AUTS2: variants seen among roughly 807,000 people sequenced by gnomAD.
AUTS2 encodes the protein activator of transcription and developmental regulator AUTS2.
AUTS2 carries 17 observed loss-of-function variants against 112.4 expected under a neutral mutation model. The ratio of observed to expected loss-of-function variants is 0.15; its 90% CI spans 0.10 to 0.23. The LOEUF (loss-of-function observed/expected upper bound fraction) is 0.23, where lower values mean the gene tolerates loss of function less well. Among genes scored for constraint, AUTS2 ranks in the 10% least tolerant of loss-of-function variants. AUTS2 has a pLI of 1.00. For missense variants in AUTS2, 1,510 were observed against 1,701.6 expected, an observed-to-expected ratio of 0.89 and a Z score of 1.98; for synonymous variants, 751 against 702.7, an observed-to-expected ratio of 1.07 and a Z score of -1.09.
intron 6 of AUTS2, among the ~76,000 whole-genome samples, chr7:70,708,984 C>G (rs921304102): frequency 2.7e-5 from 4 of 149,602 alleles, no homozygotes; most frequent in Non-Finnish European, 5.9e-5. Context: ...GTGGCACCAT[C>G]TCGGCTCACT....
chr7:70,418,546 A>G (rs1269122791), intron 4 of AUTS2, among the ~76,000 whole-genome samples: 1 of 152,196 alleles, frequency 6.6e-6, no homozygotes, highest in Admixed American at 6.5e-5. Flanking sequence ...TAGCTGAGAC[A>G]TGCTGCACCA....
intron 1 of AUTS2, among the ~76,000 whole-genome samples, chr7:69,827,435 GA>G (rs1554382470): frequency 6.6e-6 from 1 of 151,790 alleles, no homozygotes; most frequent in Non-Finnish European, 1.5e-5. Context: ...GATAGAGGGG[GA>G]AAAAGAAGAG....
chr7:70,462,541 A>C (rs1357414762), intron 5 of AUTS2, among the ~76,000 whole-genome samples: 1 of 152,156 alleles, frequency 6.6e-6, no homozygotes, highest in Non-Finnish European at 1.5e-5. Flanking sequence ...GGGCCCTTCC[A>C]ATTTTTTAAA....
chr7:70,469,403 A>G (rs1322874717), intron 5 of AUTS2, among the ~76,000 whole-genome samples: 5 of 152,144 alleles, frequency 3.3e-5, no homozygotes, highest in Admixed American at 2.6e-4. Flanking sequence ...AATCTGGGGG[A>G]AAACTATACC....
intron 9 of AUTS2, among the ~76,000 whole-genome samples, chr7:70,767,058 G>C (rs949417945): frequency 2.6e-5 from 4 of 152,106 alleles, no homozygotes; most frequent in Non-Finnish European, 5.9e-5. Context: ...TGCCATATTA[G>C]AATGCTAAAT....
At chr7:70,265,996 T>C (rs1787403991) in intron 4 of AUTS2, among the ~76,000 whole-genome samples, 1 of 152,176 alleles carries the variant, frequency 6.6e-6, no homozygotes, top group Admixed American at 6.5e-5. Context: ...GGTTGTGCAG[T>C]GTACAACCTG....
At position 69,706,890 on chromosome 7, in the gene AUTS2, A is replaced by C. The variant is rs17140841; in HGVS notation, c.309+106928A>C. ...GGTTACACGATATCTTGCTTATTGT[A>C]AGGTAAAAGAATGTTGAAGCTTCTG... On this transcript the variant is annotated intron_variant, in intron 1 of 18. Coordinates refer to ENST00000342771, the MANE Select transcript of AUTS2 (RefSeq NM_015570.4). Among the ~76,000 whole-genome samples, 147 of 152,298 alleles carry C rather than the reference A, an allele frequency of 9.7e-4. 1 individual carries two copies. The highest frequency in any genetic ancestry group is 3.4e-3 in the African/African-American group (143 of 41,578).
At chr7:69,785,914 C>G (rs1194397303) in intron 1 of AUTS2, among the ~76,000 whole-genome samples, 1 of 152,108 alleles carries the variant, frequency 6.6e-6, no homozygotes, top group Non-Finnish European at 1.5e-5. Flanking sequence ...TACTGCAACC[C>G]TTGTCTCCCA....
intron 2 of AUTS2, among the ~76,000 whole-genome samples, chr7:70,010,449 G>A (rs950975830): frequency 1.1e-4 from 16 of 152,132 alleles, no homozygotes; most frequent in African/African-American, 3.9e-4. Context: ...CCTGGCTGAG[G>A]ACATTTTTAA....
At chr7:70,373,150 CA>C in intron 4 of AUTS2, among the ~76,000 whole-genome samples, 1 of 149,434 alleles carries the variant, frequency 6.7e-6, no homozygotes, top group African/African-American at 2.5e-5. Context: ...TGTGAGAAAC[CA>C]GGGGGGAGTG....
chr7:70,244,763 T>C (rs1404264672), intron 4 of AUTS2, among the ~76,000 whole-genome samples: 1 of 152,214 alleles, frequency 6.6e-6, no homozygotes, highest in Non-Finnish European at 1.5e-5. Flanking sequence ...TGAAAGGGAA[T>C]GGTGCTTGAT....
intron 1 of AUTS2, among the ~76,000 whole-genome samples, chr7:69,671,507 G>GTC (rs1796325407): frequency 1.3e-5 from 2 of 151,678 alleles, no homozygotes; most frequent in Non-Finnish European, 2.9e-5. Flanking sequence ...GTGTGTGTGT[G>GTC]TGTGTGTGTG....
intron 1 of AUTS2, among the ~76,000 whole-genome samples, chr7:69,884,302 C>T (rs1368146599): frequency 6.6e-6 from 1 of 152,208 alleles, no homozygotes; most frequent in Non-Finnish European, 1.5e-5. Context: ...ATTCTTACTG[C>T]TTTCAGCAAA....
At chr7:70,068,425 C>G (rs1802599609) in intron 2 of AUTS2, among the ~76,000 whole-genome samples, 1 of 151,924 alleles carries the variant, frequency 6.6e-6, no homozygotes. Context: ...ACTTCGTGAT[C>G]TGCCCGCCTT....
At chr7:70,770,678 T>TA (rs1790280467) in intron 10 of AUTS2, among the ~76,000 whole-genome samples, 3 of 152,354 alleles carry the variant, frequency 2.0e-5, no homozygotes, top group Admixed American at 2.0e-4. Flanking sequence ...TTTACCATCA[T>TA]AGAGTGGACT....
At chr7:69,861,886 T>G (rs1793001573) in intron 1 of AUTS2, among the ~76,000 whole-genome samples, 1 of 152,182 alleles carries the variant, frequency 6.6e-6, no homozygotes, top group Admixed American at 6.5e-5. Context: ...TGTTTAGACT[T>G]TTGGTGATGG....
At chr7:69,767,041 G>GCT (rs1369899801) in intron 1 of AUTS2, among the ~76,000 whole-genome samples, 1 of 152,266 alleles carries the variant, frequency 6.6e-6, no homozygotes. Context: ...CATGGAATGA[G>GCT]CTGCCCATAG....
chr7:70,384,358 A>G (rs534371953), intron 4 of AUTS2, among the ~76,000 whole-genome samples: 127 of 152,232 alleles, frequency 8.3e-4, no homozygotes, highest in Non-Finnish European at 1.6e-3. Context: ...GCATAAATCC[A>G]TGGTAACCTG....
rs116612142 is a variant in AUTS2 at position 70,648,324 on chromosome 7, C to T, written c.691-50245C>T. On this transcript the variant is annotated intron_variant, in intron 5 of 18. Transcript: ENST00000342771. ...GAGTCACCTTCACCAACACCTTTCA[C>T]GCCTCTGGACTTCAGCTTTCTCATC... is the stretch of plus-strand genomic sequence containing the variant. Among the ~76,000 whole-genome samples the T allele has an allele frequency of 5.1e-3, 783 of 152,220 alleles. 6 individuals carry two copies. Among genetic ancestry groups the T allele is most frequent in the African/African-American group, 0.017 (725 of 41,526 alleles).
Sources: gnomAD v4.1 joint callset for allele counts (sites outside exome capture counted in the v4.1 genomes callset) on GRCh38, gnomAD v4.1.1 for gene constraint, MANE v1.5 for transcripts, NCBI Gene and HGNC (gene_info 2026-07-23, HGNC 2026-07-21) for gene names.